ERN1: variants seen among roughly 807,000 people sequenced by gnomAD.
The protein encoded by ERN1 is endoplasmic reticulum to nucleus signaling 1, also known as serine/threonine-protein kinase/endoribonuclease IRE1.
Under a neutral mutation model 113.1 loss-of-function variants are expected in ERN1, and 39 were observed. That is an observed-to-expected ratio of 0.34 (90% CI 0.27 to 0.45). The LOEUF (loss-of-function observed/expected upper bound fraction) is 0.45. Ranked by LOEUF, ERN1 falls within the 20% of genes least tolerant of loss-of-function variation. ERN1 has a pLI of 1.00. For synonymous variants in ERN1, 507 were observed against 515.9 expected (o/e 0.98, Z 0.23); for missense variants, 976 against 1,274.8 (o/e 0.77, Z 3.57).
At chr17:64,075,021 C>T in intron 5 of ERN1, 154 bp downstream of exon 5, 4 of 630,954 alleles carry the variant, frequency 6.3e-6, no homozygotes, top group East Asian at 3.1e-5. Context: ...CTTAATTGGT[C>T]AGCTGATCCT....
At chr17:64,126,300 T>C (rs570535375) in intron 1 of ERN1, among the ~76,000 whole-genome samples, 3 of 152,322 alleles carry the variant, frequency 2.0e-5, no homozygotes, top group African/African-American at 7.2e-5. Flanking sequence ...TTATAAAACC[T>C]ACAAAATATT....
chr17:64,048,476 T>C (rs1197592597), intron 18 of ERN1, among the ~76,000 whole-genome samples: 1 of 152,138 alleles, frequency 6.6e-6, no homozygotes, highest in Non-Finnish European at 1.5e-5. Context: ...TAATCTGTGT[T>C]TTCTATAATA....
At chr17:64,087,110 G>A (rs556671369) in intron 2 of ERN1, among the ~76,000 whole-genome samples, 1 of 152,230 alleles carries the variant, frequency 6.6e-6, no homozygotes, top group East Asian at 1.9e-4. Context: ...CTTCCCCCAG[G>A]AAGCTGGCTT....
In ERN1 at chr17:64,042,742, C is replaced by T. The variant is rs952003096; in HGVS notation, c.*1246G>A. 1 of 152,142 alleles carries T rather than the reference C, an allele frequency of 6.6e-6. No homozygotes were observed. Among genetic ancestry groups the T allele is most frequent in the Non-Finnish European group, 1.5e-5 (1 of 68,022 alleles). The allele number at this position is 152,142 out of a possible 1,614,324, so 9.4% of individuals were successfully genotyped here. A position where few individuals can be genotyped will look rare whatever the true frequency, so the allele number is the denominator to read the frequency against. ...TCTTTGATACTGTTCAATACATTTA[C>T]ATAGTGTTGCTATAATGTTTTACTC... On this transcript the variant is annotated 3_prime_UTR_variant, in exon 22 of 22. Coordinates refer to ENST00000433197, the MANE Select transcript of ERN1 (RefSeq NM_001433.5).
intron 1 of ERN1, among the ~76,000 whole-genome samples, chr17:64,115,032 A>C (rs946415481): frequency 2.3e-4 from 35 of 152,164 alleles, no homozygotes; most frequent in African/African-American, 8.4e-4. Context: ...CTCCCTCTGA[A>C]GGGTTGAGGA....
Position 64,057,793 on chromosome 17 carries a change from G to A in ERN1, c.1398+9C>T. 2 of 1,612,430 alleles carry A rather than the reference G, an allele frequency of 1.2e-6. No individual in the cohort carries two copies. Among genetic ancestry groups the A allele is most frequent in the African/African-American group, 2.7e-5 (2 of 75,016 alleles). On this transcript the variant is annotated intron_variant, in intron 12 of 21. Coordinates refer to ENST00000433197, the MANE Select transcript of ERN1 (RefSeq NM_001433.5). ...AGGTGGATGGCAAAGGGGAATTGTT[G>A]AGCTTTACCAGGGGATAGGTGATGA...
intron 4 of ERN1, among the ~76,000 whole-genome samples, chr17:64,076,851 C>T (rs545757803): frequency 1.6e-3 from 239 of 152,302 alleles, no homozygotes; most frequent in African/African-American, 5.6e-3. Flanking sequence ...CCGCCCGCCT[C>T]GGCCTCCCAA....
At position 64,075,164 on chromosome 17, in the gene ERN1, G is replaced by C. The variant is rs1401821914; in HGVS notation, c.355+11C>G. ...AAAGAGACACAAGTTTCTGGAGACA[G>C]GAACTCTTACCCATGTAGAGGATTC... On this transcript the variant is annotated intron_variant, in intron 5 of 21. Transcript: ENST00000433197. The C allele has an allele frequency of 6.5e-7, 1 of 1,541,744 alleles. No individual in the cohort carries two copies. The highest frequency in any genetic ancestry group is 2.0e-5 in the Admixed American group (1 of 50,660).
chr17:64,104,291 G>A (rs568041125), intron 1 of ERN1, among the ~76,000 whole-genome samples: 1 of 152,272 alleles, frequency 6.6e-6, no homozygotes, highest in East Asian at 1.9e-4. Flanking sequence ...CTTGATTTCA[G>A]CAGCCTTATC....
rs576080485 is a variant in ERN1, at chr17:64,116,981, G to A, written c.54+12995C>T. Among the ~76,000 whole-genome samples, 16 of 150,842 alleles carry A rather than the reference G, an allele frequency of 1.1e-4. No homozygotes were observed. In the South Asian group the frequency reaches 2.9e-3, roughly 28 times the overall value. On this transcript the variant is annotated intron_variant, in intron 1 of 21. Coordinates refer to ENST00000433197, the MANE Select transcript of ERN1 (RefSeq NM_001433.5). ...AAAAAAAAAAGCCAGGTGTTGTGGC[G>A]TGTGCCTGTATTCCCAGCTACTTGG...
intron 3 of ERN1, 65 bp from the exon 4 acceptor site, chr17:64,079,799 G>T: frequency 7.6e-7 from 1 of 1,323,428 alleles, no homozygotes; most frequent in Non-Finnish European, 1.1e-6. Context: ...ACATACCAAA[G>T]CCACGCAAAC....
At position 64,044,296 on chromosome 17, in the gene ERN1, A is replaced by G. The variant is rs190429675; in HGVS notation, c.2722-96T>C. ...CTTTCATCATGCAAGGAAGAGACAG[A>G]ATGTGAGTGTTGGTTTTTGGTAAAG... On this transcript the variant is annotated intron_variant, in intron 21 of 21. Transcript: ENST00000433197. This position sits in a 1 kb window ranked among gnomAD's most constrained non-coding sequence, Gnocchi z 4.1. 5 of 850,666 alleles carry G rather than the reference A, an allele frequency of 5.9e-6. No homozygotes were observed. The South Asian group carries it at 6.8e-5, about 12-fold the overall frequency. The allele number at this position is 850,666 out of a possible 1,614,324, so 52.7% of individuals were successfully genotyped here.
intron 1 of ERN1, among the ~76,000 whole-genome samples, chr17:64,127,481 C>T (rs1384128063): frequency 2.0e-5 from 3 of 152,170 alleles, no homozygotes; most frequent in Admixed American, 1.3e-4. Flanking sequence ...TGGCCGGGTG[C>T]GGTGGCTCAT....
Position 64,080,757 on chromosome 17 carries a change from G to C in ERN1, c.209+18C>G. 2 of 1,607,660 alleles carry C rather than the reference G, an allele frequency of 1.2e-6. No individual in the cohort carries two copies. The highest frequency in any genetic ancestry group is 1.7e-6 in the Non-Finnish European group (2 of 1,176,550). ...AGACTGAATTAAAGGGAAGTACTGAGCGAATCAGAAAACTTACTCTTCCAC... is the reference window on the plus strand; with the variant it reads ...AGACTGAATTAAAGGGAAGTACTGACCGAATCAGAAAACTTACTCTTCCAC... On this transcript the variant is annotated intron_variant, in intron 3 of 21. Transcript: ENST00000433197.
chr17:64,092,195 C>CA, intron 2 of ERN1, among the ~76,000 whole-genome samples: 1 of 152,200 alleles, frequency 6.6e-6, no homozygotes, highest in East Asian at 1.9e-4. Context: ...AGAGAGGAGT[C>CA]AGGTTTGCAG....
At chr17:64,128,009 T>C (rs1169985818) in intron 1 of ERN1, among the ~76,000 whole-genome samples, 1 of 148,616 alleles carries the variant, frequency 6.7e-6, no homozygotes, top group Non-Finnish European at 1.5e-5. Flanking sequence ...TGACCTTTCT[T>C]TTTTTTTTTT....
At chr17:64,129,737 T>G (rs114731219) in intron 1 of ERN1, 6,025 of 388,900 alleles carry the variant, frequency 0.015, 379 homozygotes, top group African/African-American at 0.11. Context: ...CGCGCTGGCT[T>G]GGGAGGCTCT....
chr17:64,061,397 CT>C (rs1913050033), intron 10 of ERN1, among the ~76,000 whole-genome samples: 1 of 152,192 alleles, frequency 6.6e-6, no homozygotes, highest in Non-Finnish European at 1.5e-5. Context: ...ATGAGCAGAT[CT>C]CACTCTGACT....
chr17:64,058,738 C>T (rs1398043153), intron 11 of ERN1, among the ~76,000 whole-genome samples: 1 of 152,124 alleles, frequency 6.6e-6, no homozygotes, highest in African/African-American at 2.4e-5. Context: ...CTAACACAGC[C>T]TCCCTGGCAC....
Sources: allele counts gnomAD v4.1 joint callset (sites outside exome capture counted in the v4.1 genomes callset), GRCh38; gene constraint gnomAD v4.1.1; non-coding constraint Gnocchi (gnomAD v3.1); transcripts MANE v1.5; gene names NCBI Gene and HGNC (gene_info 2026-07-23, HGNC 2026-07-21).